The following ACAD10 variants were observed in gnomAD, a reference collection of about 807,000 sequenced individuals.
ACAD10 encodes the protein acyl-CoA dehydrogenase family member 10.
Under a neutral mutation model 116.8 loss-of-function variants are expected in ACAD10, and 112 were observed. That is an observed-to-expected ratio of 0.96 (90% CI 0.82 to 1.12). The LOEUF is 1.12. Ranked by LOEUF, ACAD10 falls within the 50% of genes most tolerant of loss-of-function variation. The pLI, the probability that ACAD10 is intolerant of heterozygous loss-of-function variation, is 0.00. For missense variants in ACAD10, 1,259 were observed against 1,350.2 expected (o/e 0.93, Z 1.06); for synonymous variants, 486 against 510.6 (o/e 0.95, Z 0.65).
intron 2 of ACAD10, among the ~76,000 whole-genome samples, chr12:111,695,929 A>T (rs1888178136): frequency 6.6e-6 from 1 of 151,590 alleles, no homozygotes; most frequent in Non-Finnish European, 1.5e-5. Flanking sequence ...AGGGAGAACC[A>T]CTTGAACCCG....
At chr12:111,723,413 G>A (rs1173482592) in intron 8 of ACAD10, among the ~76,000 whole-genome samples, 3 of 131,608 alleles carry the variant, frequency 2.3e-5, no homozygotes, top group South Asian at 2.6e-4. Context: ...CTGGCCGGGC[G>A]GGGGGCTGAC....
chr12:111,738,105 C>T (rs1454336821), intron 12 of ACAD10, among the ~76,000 whole-genome samples: 1 of 152,122 alleles, frequency 6.6e-6, no homozygotes, highest in Non-Finnish European at 1.5e-5. Context: ...GATCCATCCA[C>T]CTCGGCCTCC....
Position 111,747,098 on chromosome 12 carries a change from G to A in ACAD10, c.2306G>A (p.Arg769Lys). 6.2e-7 allele frequency: 1 copy of A among 1,613,182 alleles called. No individual in the cohort carries two copies. Among genetic ancestry groups the A allele is most frequent in the African/African-American group, 1.3e-5 (1 of 75,034 alleles). ...ACGGGCAACATGGAGCTGCTGGTGAGGTATGGCACCGAAGCGCAGAAGGCT... is the reference window on the plus strand; with the variant it reads ...ACGGGCAACATGGAGCTGCTGGTGAAGTATGGCACCGAAGCGCAGAAGGCT... ...PDTGNMELLV[R>K]YGTEAQKARW... is the part of the protein sequence containing the mutation. The change falls in exon 15 of 21, where the codon AGG becomes AAG. Residue 769 changes from arginine (R) to lysine (K), a missense_variant. Physicochemically the swap from Arg to Lys is conservative, Grantham distance 26. Transcript: ENST00000313698.
At chr12:111,707,421 G>A (rs1198303375) in intron 4 of ACAD10, among the ~76,000 whole-genome samples, 1 of 150,190 alleles carries the variant, frequency 6.7e-6, no homozygotes, top group African/African-American at 2.5e-5. Context: ...AAAAATGTTT[G>A]TTTTTGTCTT....
intron 9 of ACAD10, among the ~76,000 whole-genome samples, chr12:111,728,430 CT>C (rs1015062939): frequency 2.0e-5 from 3 of 151,894 alleles, no homozygotes; most frequent in African/African-American, 7.3e-5. Context: ...TTCCCTGCAA[CT>C]TTTATCTCAC....
At chr12:111,709,989 A>G in intron 5 of ACAD10, 1 of 358,570 alleles carries the variant, frequency 2.8e-6, no homozygotes, top group Non-Finnish European at 5.2e-6. Flanking sequence ...ATGCTGCCTT[A>G]AGTGGGGAGC....
At chr12:111,735,268 A>T (rs1889515405) in intron 11 of ACAD10, among the ~76,000 whole-genome samples, 1 of 151,906 alleles carries the variant, frequency 6.6e-6, no homozygotes, top group African/African-American at 2.4e-5. Flanking sequence ...GTTAATTCCT[A>T]TTTAGATATT....
chr12:111,697,482 T>A (rs1888221104), intron 2 of ACAD10, among the ~76,000 whole-genome samples: 1 of 149,686 alleles, frequency 6.7e-6, no homozygotes, highest in South Asian at 2.2e-4. Context: ...TGCCTCAGCC[T>A]CCCAAGTAGC....
At chr12:111,705,659 G>C in intron 3 of ACAD10, 79 bp from the exon 4 acceptor site, 1 of 1,342,142 alleles carries the variant, frequency 7.5e-7, no homozygotes, top group South Asian at 1.4e-5. Flanking sequence ...CCAGGAATAA[G>C]CATTTTTTTT....
At chr12:111,743,278 G>A (rs1042509789) in intron 12 of ACAD10, among the ~76,000 whole-genome samples, 1 of 151,934 alleles carries the variant, frequency 6.6e-6, no homozygotes, top group Non-Finnish European at 1.5e-5. Context: ...ACAGACTACA[G>A]AAACAGAGAT....
chr12:111,744,643 G>A lies in ACAD10; in HGVS notation c.1715G>A (p.Gly572Glu), dbSNP rs1443184577. ...ACTGTTTTTCTTTGATTCTGCTTAGGGCAAGCAAGCTCCACATATGCGGAA... is the reference window on the plus strand; with the variant it reads ...ACTGTTTTTCTTTGATTCTGCTTAGAGCAAGCAAGCTCCACATATGCGGAA... ...LQGVYKRSLT[G>E]QASSTYAEQT... is the part of the protein sequence containing the mutation. The change falls in exon 13 of 21, where the codon GGG (glycine) becomes GAG (glutamate). Residue 572 changes from glycine to glutamate, a missense_variant and splice_region_variant. By Grantham distance (98) the Gly-to-Glu change is moderately conservative (BLOSUM62 -2). Transcript: ENST00000313698. 6.2e-7 allele frequency: 1 copy of A among 1,611,432 alleles called. No individual in the cohort carries two copies. The highest frequency in any genetic ancestry group is 8.5e-7 in the Non-Finnish European group (1 of 1,178,384).
At chr12:111,722,001 CTTTA>C (rs936976435) in intron 8 of ACAD10, 40 of 292,620 alleles carry the variant, frequency 1.4e-4, no homozygotes, top group Admixed American at 7.1e-4. Context: ...TGTTGCTTGT[CTTTA>C]TTTATTTTTT....
chr12:111,690,148 A>G (rs1225824670), intron 1 of ACAD10, among the ~76,000 whole-genome samples: 2 of 152,198 alleles, frequency 1.3e-5, no homozygotes, highest in Non-Finnish European at 2.9e-5. Flanking sequence ...CTAGGTGCTT[A>G]TAGAGGTTGA....
intron 14 of ACAD10, 93 bp downstream of exon 14, chr12:111,746,377 G>T: frequency 7.2e-7 from 1 of 1,389,762 alleles, no homozygotes; most frequent in Middle Eastern, 2.3e-4. Flanking sequence ...CAGAAGCACT[G>T]GCATGAACTT....
intron 8 of ACAD10, 51 bp from the exon 9 acceptor site, chr12:111,727,911 C>A: frequency 6.5e-7 from 1 of 1,535,810 alleles, no homozygotes; most frequent in Non-Finnish European, 8.8e-7. Flanking sequence ...TGACTAACAG[C>A]CTGCCACATT....
intron 19 of ACAD10, 145 bp from the exon 20 acceptor site, chr12:111,755,523 C>A: frequency 3.0e-6 from 2 of 658,398 alleles, no homozygotes; most frequent in South Asian, 3.4e-5. Flanking sequence ...TCACCTCAGC[C>A]TCCTGAGTAG....
rs1887973252 is a variant in ACAD10 at position 111,689,338 on chromosome 12, T to A, written c.-14+3099T>A. Among the ~76,000 whole-genome samples, 4 of 152,140 alleles carry A rather than the reference T, an allele frequency of 2.6e-5. 1 individual carries two copies. The South Asian group carries it at 8.3e-4, about 32-fold the overall frequency. On this transcript the variant is annotated intron_variant, in intron 1 of 20. Transcript: ENST00000313698. ...GTTAACCTGTATTTTTTGTTTGCAT[T>A]TTTTATTGTTGTGTTGTTATTTTTG...
chr12:111,713,929 T>TC (rs376897508), intron 6 of ACAD10, among the ~76,000 whole-genome samples: 7 of 132,880 alleles, frequency 5.3e-5, no homozygotes, highest in African/African-American at 8.6e-5. Flanking sequence ...CAAGACTCCG[T>TC]CCCCCCCCCA....
intron 13 of ACAD10, among the ~76,000 whole-genome samples, chr12:111,745,835 CTTT>C (rs532150491): frequency 2.2e-4 from 23 of 104,766 alleles, no homozygotes; most frequent in African/African-American, 5.5e-4. Context: ...CCATCTCTCT[CTTT>C]TTTTTTTTTT....
Sources: allele counts gnomAD v4.1 joint callset (sites outside exome capture counted in the v4.1 genomes callset), GRCh38; gene constraint gnomAD v4.1.1; transcripts MANE v1.5; gene names NCBI Gene and HGNC (gene_info 2026-07-23, HGNC 2026-07-21).